The following FRMD4B variants were observed in gnomAD, a reference collection of about 807,000 sequenced individuals.
FRMD4B encodes FERM domain-containing protein 4B.
A neutral mutation model predicts 141.5 loss-of-function variants in FRMD4B; 74 were observed. That is an observed-to-expected ratio of 0.52 (90% CI 0.43 to 0.63). The LOEUF (loss-of-function observed/expected upper bound fraction) is 0.63, where lower values mean the gene tolerates loss of function less well. Ranked by LOEUF, FRMD4B falls within the 30% of genes least tolerant of loss-of-function variation. FRMD4B has a pLI of 0.00. For synonymous variants in FRMD4B, 506 were observed against 467.9 expected (o/e 1.08, Z -1.05); for missense variants, 1,366 against 1,253.4 (o/e 1.09, Z -1.36).
At chr3:69,335,423 A>G (rs1575741463) in intron 1 of FRMD4B, among the ~76,000 whole-genome samples, 1 of 136,284 alleles carries the variant, frequency 7.3e-6, no homozygotes, top group Non-Finnish European at 1.5e-5. Context: ...CCCAGGCTGG[A>G]GTGCAGTGGC....
intron 1 of FRMD4B, among the ~76,000 whole-genome samples, chr3:69,511,531 C>T (rs538532106): frequency 6.6e-6 from 1 of 152,232 alleles, no homozygotes; most frequent in South Asian, 2.1e-4. Flanking sequence ...GGAAACACAA[C>T]TCTCCAACTG....
chr3:69,406,186 T>C (rs1348236673), intron 2 of FRMD4B, among the ~76,000 whole-genome samples: 2 of 152,194 alleles, frequency 1.3e-5, no homozygotes, highest in African/African-American at 4.8e-5. Context: ...GCTAAAACCT[T>C]TTGCCAAGAT....
chr3:69,492,803 C>A (rs1164144951), intron 1 of FRMD4B, among the ~76,000 whole-genome samples: 1 of 152,222 alleles, frequency 6.6e-6, no homozygotes. Flanking sequence ...TCTTGTATGT[C>A]TGCTTAGTTA....
rs1404928334 is a variant in FRMD4B at position 69,474,022 on chromosome 3, A to C, written c.-128-41261T>G. Among the ~76,000 whole-genome samples, 5 of 152,294 alleles carry C rather than the reference A, an allele frequency of 3.3e-5. No individual in the cohort carries two copies. In the East Asian group the frequency reaches 9.7e-4, roughly 29 times the overall value. On this transcript the variant is annotated intron_variant, in intron 1 of 5. Transcript: ENST00000459638. ...CTTCCCTACACAATACAAAAATTAG[A>C]GATGCCCTACCGTCATCCAAGTTCT...
At chr3:69,410,954 C>A (rs901872491) in intron 2 of FRMD4B, among the ~76,000 whole-genome samples, 1 of 151,642 alleles carries the variant, frequency 6.6e-6, no homozygotes, top group Non-Finnish European at 1.5e-5. Flanking sequence ...TTGTACCTGG[C>A]CTATAGAAGA....
At chr3:69,414,320 C>T (rs1031723794) in intron 2 of FRMD4B, among the ~76,000 whole-genome samples, 2 of 152,092 alleles carry the variant, frequency 1.3e-5, no homozygotes, top group African/African-American at 4.8e-5. Context: ...AGATGAGTAG[C>T]ACAGATCAGA....
intron 1 of FRMD4B, among the ~76,000 whole-genome samples, chr3:69,534,140 A>G (rs745979967): frequency 2.0e-5 from 3 of 152,186 alleles, no homozygotes; most frequent in Non-Finnish European, 4.4e-5. Context: ...ATATCCCTCT[A>G]GTCCAGTATT....
intron 5 of FRMD4B, among the ~76,000 whole-genome samples, chr3:69,258,613 T>C (rs2093507214): frequency 2.0e-5 from 3 of 152,252 alleles, no homozygotes; most frequent in African/African-American, 7.2e-5. Context: ...TATTATTTAC[T>C]ATTACCCATA....
At chr3:69,191,598 C>A (rs1026964201) in intron 17 of FRMD4B, among the ~76,000 whole-genome samples, 1 of 152,154 alleles carries the variant, frequency 6.6e-6, no homozygotes, top group African/African-American at 2.4e-5. Context: ...GGAAGCTCTC[C>A]AACCAATCTC....
chr3:69,399,815 C>CATATTTAAAATCAA (rs1289659071), intron 2 of FRMD4B, among the ~76,000 whole-genome samples: 1 of 152,168 alleles, frequency 6.6e-6, no homozygotes, highest in African/African-American at 2.4e-5. Flanking sequence ...TTAAAATTAC[C>CATATTTAAAATCAA]TGCTAAGGCT....
upstream of FRMD4B, among the ~76,000 whole-genome samples, chr3:69,387,978 G>A (rs1704301544): frequency 6.6e-6 from 1 of 151,706 alleles, no homozygotes; most frequent in Non-Finnish European, 1.5e-5. Context: ...AGATTTTACT[G>A]AATCAAAAGA....
chr3:69,508,818 C>A (rs1190258240), intron 1 of FRMD4B, among the ~76,000 whole-genome samples: 15 of 152,182 alleles, frequency 9.9e-5, no homozygotes, highest in Non-Finnish European at 1.8e-4. Context: ...TCAGGCACAA[C>A]AACCTATGAG....
At chr3:69,242,037 T>C (rs2093388323) in intron 7 of FRMD4B, among the ~76,000 whole-genome samples, 1 of 152,186 alleles carries the variant, frequency 6.6e-6, no homozygotes, top group Non-Finnish European at 1.5e-5. Context: ...TTTTCCTATC[T>C]ATAACATGGG....
At chr3:69,300,209 G>A (rs572110835) in intron 4 of FRMD4B, among the ~76,000 whole-genome samples, 65 of 152,264 alleles carry the variant, frequency 4.3e-4, no homozygotes, top group African/African-American at 1.0e-3. Context: ...ATTCTTTGGC[G>A]TGTGCTTTTC....
At chr3:69,300,321 A>C (rs1701174073) in intron 4 of FRMD4B, among the ~76,000 whole-genome samples, 1 of 152,368 alleles carries the variant, frequency 6.6e-6, no homozygotes, top group East Asian at 1.9e-4. Flanking sequence ...AGGAAGAACT[A>C]AGTGAATAAT....
chr3:69,385,486 AAAG>A (rs1036746695), intron 1 of FRMD4B, among the ~76,000 whole-genome samples: 15 of 152,152 alleles, frequency 9.9e-5, no homozygotes, highest in Admixed American at 6.5e-4. Flanking sequence ...ATGAAATTAA[AAAG>A]AAGGACTCAT....
intron 1 of FRMD4B, among the ~76,000 whole-genome samples, chr3:69,495,532 A>G (rs990959490): frequency 1.3e-5 from 2 of 152,182 alleles, no homozygotes; most frequent in Admixed American, 6.5e-5. Context: ...GGCTTTTCCT[A>G]TGCAGAATCA....
intron 1 of FRMD4B, among the ~76,000 whole-genome samples, chr3:69,381,575 G>A (rs1704120766): frequency 1.3e-5 from 2 of 152,170 alleles, no homozygotes; most frequent in Non-Finnish European, 2.9e-5. Flanking sequence ...ACTCCCTGGT[G>A]TGTGTGTTTC....
intron 4 of FRMD4B, among the ~76,000 whole-genome samples, chr3:69,297,017 G>A (rs909814760): frequency 6.6e-6 from 1 of 152,094 alleles, no homozygotes; most frequent in South Asian, 2.1e-4. Flanking sequence ...ATATTGCATG[G>A]ACTTTTTGTG....
Sources: allele counts gnomAD v4.1 joint callset (sites outside exome capture counted in the v4.1 genomes callset), GRCh38; gene constraint gnomAD v4.1.1; transcripts MANE v1.5; gene names NCBI Gene and HGNC (gene_info 2026-07-23, HGNC 2026-07-21).